COL24A1: variants seen among roughly 807,000 people sequenced by gnomAD.
The protein encoded by COL24A1 is collagen type XXIV alpha 1 chain.
A neutral mutation model predicts 253.9 loss-of-function variants in COL24A1; 224 were observed. The ratio of observed to expected loss-of-function variants is 0.88; its 90% CI spans 0.79 to 0.99. COL24A1 has a LOEUF of 0.99. COL24A1 is among the 50% of genes least tolerant of loss of function. The probability of loss-of-function intolerance (pLI) is 0.00; values close to 1 mark genes in which losing one functional copy is unlikely to be tolerated. For synonymous variants in COL24A1, 685 were observed against 673.7 expected, an observed-to-expected ratio of 1.02 and a Z score of -0.26; for missense variants, 2,131 against 2,068.5, an observed-to-expected ratio of 1.03 and a Z score of -0.59.
chr1:85,736,528 T>G, intron 58 of COL24A1: 1 of 455,214 alleles, frequency 2.2e-6, no homozygotes, highest in South Asian at 1.6e-5. Flanking sequence ...GATCCTTCCC[T>G]CTTCTATTTC....
chr1:85,923,052 A>G (rs781254186), intron 24 of COL24A1, among the ~76,000 whole-genome samples: 7 of 152,220 alleles, frequency 4.6e-5, no homozygotes, highest in Non-Finnish European at 1.0e-4. Context: ...TTAAACCAAC[A>G]AAGATCAAAA....
In COL24A1 at chr1:85,933,434, G is replaced by A. The variant is rs142263886; in HGVS notation, c.2563-22001C>T. On this transcript the variant is annotated intron_variant, in intron 24 of 59. Transcript: ENST00000370571. ...GTTGGGAACCAACACACTGTAACAG[G>A]AGAGAAGATGCTGGCAGGATTAATC... Among the ~76,000 whole-genome samples the A allele has an allele frequency of 3.5e-3, 531 of 152,250 alleles. 2 individuals carry two copies. Among genetic ancestry groups the A allele is most frequent in the Non-Finnish European group, 5.1e-3 (344 of 68,024 alleles).
Position 85,734,933 on chromosome 1 carries a change from T to C in COL24A1, c.4814A>G (p.Asn1605Ser), listed in dbSNP as rs1663889524. The C allele has an allele frequency of 5.6e-6, 9 of 1,614,170 alleles. No individual in the cohort carries two copies. The East Asian group carries it at 2.0e-4, about 36-fold the overall frequency. ...LEFGVGKVQMNFLHLLSSEAT... is the reference protein window; with the variant it reads ...LEFGVGKVQMSFLHLLSSEAT... ...TTCCGAACTCAGTAAATGAAGGAAG[T>C]TCATCTGGACTTTCCCAACTCCAAA... Residue 1605 changes from asparagine to serine, a missense_variant, in exon 59 of 60, where the codon AAC becomes AGC. Asn to Ser is a conservative substitution (Grantham distance 46, BLOSUM62 1). Coordinates refer to ENST00000370571, the MANE Select transcript of COL24A1 (RefSeq NM_152890.7).
At position 86,125,079 on chromosome 1, in the gene COL24A1, G is replaced by A. The variant is rs760139603; in HGVS notation, c.1257C>T (p.Asn419=). The change falls in exon 3 of 60, where the codon AAC becomes AAT. Residue 419 remains asparagine (N), a synonymous_variant. Coordinates refer to ENST00000370571, the MANE Select transcript of COL24A1 (RefSeq NM_152890.7). The stretch of plus-strand genomic sequence containing the variant: ...AAATTGGTTGCATTTCCATGAGTTC[G>A]TTAGTGTGTAGATTTGCTGTGATAG... The part of the protein sequence containing the change: ...KKAITANLHT[N]ELMEMQPILN... 2.4e-5 allele frequency: 38 copies of A among 1,612,898 alleles called. No homozygotes were observed. Among genetic ancestry groups the A allele is most frequent in the South Asian group, 3.3e-5 (3 of 90,992 alleles).
chr1:85,909,813 C>A, intron 26 of COL24A1, 137 bp downstream of exon 26: 1 of 756,680 alleles, frequency 1.3e-6, no homozygotes, highest in Admixed American at 2.0e-5. Flanking sequence ...GGAGATAAAC[C>A]ATTTAAAAAT....
At chr1:85,926,087 C>A (rs1480509130) in intron 24 of COL24A1, among the ~76,000 whole-genome samples, 3 of 152,212 alleles carry the variant, frequency 2.0e-5, no homozygotes, top group Admixed American at 2.0e-4. Context: ...CTCATCATCA[C>A]TGGCCATCAG....
chr1:86,060,547 TGA>T (rs1701010320), intron 8 of COL24A1, among the ~76,000 whole-genome samples: 1 of 152,152 alleles, frequency 6.6e-6, no homozygotes, highest in South Asian at 2.1e-4. Flanking sequence ...GGATAATAGT[TGA>T]GTTTCTTCTC....
intron 47 of COL24A1, among the ~76,000 whole-genome samples, chr1:85,813,905 A>C (rs1220441358): frequency 6.6e-6 from 1 of 152,166 alleles, no homozygotes; most frequent in African/African-American, 2.4e-5. Context: ...GACAGTTTAG[A>C]AATTATTCAT....
At chr1:85,827,174 T>C (rs1456567974) in intron 43 of COL24A1, among the ~76,000 whole-genome samples, 5 of 151,678 alleles carry the variant, frequency 3.3e-5, no homozygotes, top group Admixed American at 6.6e-5. Context: ...TCTGCATCTA[T>C]TGAGATAATC....
At chr1:86,047,841 T>C (rs4912460) in intron 11 of COL24A1, among the ~76,000 whole-genome samples, 19,903 of 152,122 alleles carry the variant, frequency 0.13, 1,427 homozygotes, top group Middle Eastern at 0.24. Flanking sequence ...TCTTACTTGA[T>C]ACTATCACTT....
intron 57 of COL24A1, among the ~76,000 whole-genome samples, chr1:85,742,776 C>T (rs912930874): frequency 1.3e-5 from 2 of 152,138 alleles, no homozygotes; most frequent in African/African-American, 4.8e-5. Flanking sequence ...TCAACAAAAA[C>T]TGCTGGCTCT....
Position 85,987,587 on chromosome 1 carries a change from C to T in COL24A1, c.2364+14G>A, listed in dbSNP as rs1693836024. The T allele has an allele frequency of 6.2e-7, 1 of 1,605,258 alleles. No individual in the cohort carries two copies. Among genetic ancestry groups the T allele is most frequent in the Non-Finnish European group, 8.5e-7 (1 of 1,173,894 alleles). On this transcript the variant is annotated intron_variant, in intron 20 of 59. Transcript: ENST00000370571. ...ACCATAATTGTTTAGTCTCTCTCTT[C>T]TTCTTCTTCTTACCTTTGGTCCTTC...
chr1:86,111,830 G>A (rs752498083), intron 5 of COL24A1, among the ~76,000 whole-genome samples: 11 of 151,930 alleles, frequency 7.2e-5, no homozygotes, highest in Non-Finnish European at 1.6e-4. Flanking sequence ...AACTCCAGAT[G>A]CGCCGCCTTA....
At chr1:85,917,300 A>G (rs567313025) in intron 24 of COL24A1, among the ~76,000 whole-genome samples, 8 of 152,318 alleles carry the variant, frequency 5.3e-5, no homozygotes, top group Non-Finnish European at 2.9e-5. Context: ...GATAAGGGCT[A>G]ATGTCTGTAT....
chr1:85,834,681 C>T (rs893466017), intron 43 of COL24A1, among the ~76,000 whole-genome samples: 2 of 152,174 alleles, frequency 1.3e-5, no homozygotes, highest in Non-Finnish European at 2.9e-5. Flanking sequence ...TTCATCTCTC[C>T]TAAGTTTAGC....
Position 85,784,303 on chromosome 1 carries a change from C to T in COL24A1, c.4123G>A (p.Gly1375Ser), listed in dbSNP as rs780260605. 5.0e-6 allele frequency: 8 copies of T among 1,613,940 alleles called. No individual in the cohort carries two copies. The South Asian group carries it at 5.5e-5, about 11-fold the overall frequency. Residue 1375 changes from glycine to serine, a missense_variant, in exon 49 of 60, where the codon GGT (glycine) becomes AGT (serine). By Grantham distance (56) the Gly-to-Ser change is moderately conservative (BLOSUM62 0). Transcript: ENST00000370571. ...GGGTCTCCACATGGTCCTTGATCAC[C>T]TTGTGCTCCTCGGTGACCTCTTTTA... ...QGKRGHRGAQ[G>S]DQGPCGDPGL...
Position 85,981,729 on chromosome 1 carries a change from A to G in COL24A1, c.2364+5872T>C, listed in dbSNP as rs952087519. On this transcript the variant is annotated intron_variant, in intron 20 of 59. Coordinates refer to ENST00000370571, the MANE Select transcript of COL24A1 (RefSeq NM_152890.7). ...AAGTCAACCTACGTAATGGAAAGCA[A>G]TATTTTCAAATCATGTATCTGATAT... Among the ~76,000 whole-genome samples the G allele has an allele frequency of 2.0e-5, 3 of 152,230 alleles. No individual in the cohort carries two copies. In the East Asian group the frequency reaches 5.8e-4, roughly 29 times the overall value.
chr1:85,965,974 C>T (rs1309246550), intron 22 of COL24A1, among the ~76,000 whole-genome samples: 6 of 152,066 alleles, frequency 3.9e-5, no homozygotes, highest in Non-Finnish European at 7.4e-5. Flanking sequence ...AAGCCTCAGA[C>T]AACTTTAAGG....
chr1:86,003,702 G>A (rs1023672339), intron 19 of COL24A1, among the ~76,000 whole-genome samples: 1 of 152,122 alleles, frequency 6.6e-6, no homozygotes, highest in African/African-American at 2.4e-5. Context: ...TGTGGCAAGA[G>A]AAGTGACCTG....
Sources: allele counts gnomAD v4.1 joint callset (sites outside exome capture counted in the v4.1 genomes callset), GRCh38; gene constraint gnomAD v4.1.1; transcripts MANE v1.5; gene names NCBI Gene and HGNC (gene_info 2026-07-23, HGNC 2026-07-21).